The following PPP1R9B variants were observed in gnomAD, a reference collection of about 807,000 sequenced individuals.
PPP1R9B encodes the protein protein phosphatase 1 regulatory subunit 9B, also known as neurabin-2.
Under a neutral mutation model 75.8 loss-of-function variants are expected in PPP1R9B, and 17 were observed. The observed-to-expected ratio is 0.22, with a 90% CI of 0.15 to 0.34. The LOEUF (loss-of-function observed/expected upper bound fraction) is 0.34, where lower values mean the gene tolerates loss of function less well. PPP1R9B is among the 10% of genes least tolerant of loss of function. The pLI is 1.00. For synonymous variants in PPP1R9B, 509 were observed against 535.4 expected (o/e 0.95, Z 0.68); for missense variants, 875 against 1,196.0 (o/e 0.73, Z 3.96).
chr17:50,147,601 G>A (rs910322054), intron 1 of PPP1R9B, among the ~76,000 whole-genome samples: 5 of 152,074 alleles, frequency 3.3e-5, no homozygotes. Context: ...ACAGTCAGAG[G>A]CCCAGACCAA....
intron 3 of PPP1R9B, 102 bp downstream of exon 3, chr17:50,143,496 C>T: frequency 6.9e-7 from 1 of 1,442,214 alleles, no homozygotes; most frequent in Non-Finnish European, 9.5e-7. Context: ...CGGAAATCTC[C>T]CAGGGAAGGC....
In PPP1R9B at chr17:50,149,333, TCCA is replaced by T. The variant is rs765602304; in HGVS notation, c.1178_1180del (p.Val393del). The T allele has an allele frequency of 1.2e-6, 2 of 1,613,216 alleles. No homozygotes were observed. The highest frequency in any genetic ancestry group is 8.5e-7 in the Non-Finnish European group (1 of 1,179,746). ...CCCGAGCCCACTGTAGGCGCTCACGTCCACCAAGTCCGCCTCCGAGAAGTCCTC... is the reference window on the plus strand; with the variant it reads ...CCCGAGCCCACTGTAGGCGCTCACGTCCAAGTCCGCCTCCGAGAAGTCCTC... On this transcript the variant is annotated inframe_deletion, in exon 1 of 10. Coordinates refer to ENST00000612501, the MANE Select transcript of PPP1R9B (RefSeq NM_032595.5). This position sits in a 1 kb window ranked among gnomAD's most constrained non-coding sequence, Gnocchi z 7.2.
chr17:50,141,712 A>T (rs1245493948), intron 3 of PPP1R9B, among the ~76,000 whole-genome samples: 1 of 152,068 alleles, frequency 6.6e-6, no homozygotes, highest in Non-Finnish European at 1.5e-5. Context: ...AACAACAAAA[A>T]ACCTCACAGA....
rs376749158 is a variant in PPP1R9B, at chr17:50,139,477, C to G, written c.1971G>C (p.Leu657=). Reference sequence around the variant, plus strand: ...TCTCGGGCTCCATGTCCACAGGGGACAGTGCATCCTCGTTCTCCGCTAGCT... The same window carrying G: ...TCTCGGGCTCCATGTCCACAGGGGAGAGTGCATCCTCGTTCTCCGCTAGCT... ...VFELAENEDA[L]SPVDMEPEKL... The change falls in exon 6 of 10, where the codon CTG becomes CTC. Residue 657 remains leucine (L), a synonymous_variant. Coordinates refer to ENST00000612501, the MANE Select transcript of PPP1R9B (RefSeq NM_032595.5). This position sits in a 1 kb window ranked among gnomAD's most constrained non-coding sequence, Gnocchi z 5.0. The G allele has an allele frequency of 5.6e-6, 9 of 1,604,866 alleles. No individual in the cohort carries two copies. The African/African-American group carries it at 1.1e-4, about 19-fold the overall frequency.
At position 50,142,903 on chromosome 17, in the gene PPP1R9B, T is replaced by C. The variant is rs1912421735; in HGVS notation, c.1625+695A>G. Among the ~76,000 whole-genome samples the C allele has an allele frequency of 6.6e-6, 1 of 152,180 alleles. No homozygotes were observed. The highest frequency in any genetic ancestry group is 2.1e-4 in the South Asian group (1 of 4,832). ...ATCAATGGGTCTAGTCACAGCCTCC[T>C]GGCCCCTGCTCTCTATGCCCCAGCC... On this transcript the variant is annotated intron_variant, in intron 3 of 9. Coordinates refer to ENST00000612501, the MANE Select transcript of PPP1R9B (RefSeq NM_032595.5). This position sits in a 1 kb window ranked among gnomAD's most constrained non-coding sequence, Gnocchi z 4.1.
chr17:50,140,933 T>G (rs1283898889), intron 4 of PPP1R9B, among the ~76,000 whole-genome samples: 1 of 151,954 alleles, frequency 6.6e-6, no homozygotes, highest in African/African-American at 2.4e-5. Flanking sequence ...GACCCCAATA[T>G]GGTTAGCATT....
chr17:50,140,018 A>G, intron 5 of PPP1R9B, 75 bp downstream of exon 5: 2 of 1,517,040 alleles, frequency 1.3e-6, no homozygotes, highest in Non-Finnish European at 1.8e-6. Flanking sequence ...GGGAAGCAGT[A>G]GAGGCAGATG....
chr17:50,145,337 C>A (rs758056988), intron 1 of PPP1R9B, 92 bp from the exon 2 acceptor site: 5 of 1,466,738 alleles, frequency 3.4e-6, no homozygotes, highest in Non-Finnish European at 4.7e-6. Flanking sequence ...GAGTTACCCA[C>A]CCCATGCCTC....
At chr17:50,148,742 G>A (rs1912587442) in intron 1 of PPP1R9B, among the ~76,000 whole-genome samples, 1 of 152,204 alleles carries the variant, frequency 6.6e-6, no homozygotes, top group African/African-American at 2.4e-5. Flanking sequence ...CCCAGTGAAG[G>A]GCAAATGTCT....
intron 1 of PPP1R9B, among the ~76,000 whole-genome samples, chr17:50,148,433 G>A (rs927577105): frequency 1.3e-5 from 2 of 152,192 alleles, no homozygotes; most frequent in African/African-American, 4.8e-5. Context: ...GCCTGCAGAA[G>A]GCCTCTCCCC....
intron 3 of PPP1R9B, 34 bp from the exon 4 acceptor site, chr17:50,141,407 G>C: frequency 6.8e-7 from 1 of 1,462,524 alleles, no homozygotes; most frequent in Non-Finnish European, 9.3e-7. Context: ...GGGTCACAGG[G>C]GAACCGAGGA....
chr17:50,150,065 A>G lies in PPP1R9B; in HGVS notation c.449T>C (p.Leu150Pro). 6.9e-7 allele frequency: 1 copy of G among 1,439,838 alleles called. No homozygotes were observed. The allele number at this position is 1,439,838 out of a possible 1,614,324, so 89.2% of individuals were successfully genotyped here. Residue 150 changes from leucine (L) to proline (P), a missense_variant, in exon 1 of 10, where the codon CTG (leucine) becomes CCG (proline). Physicochemically the swap from Leu to Pro is moderately conservative, Grantham distance 98 (BLOSUM62 -3). Transcript: ENST00000612501. The surrounding 1 kb of genome is among the most constrained non-coding windows in gnomAD (Gnocchi z 8.7). ...PPSRLQETRK[L>P]FERSAPAAAG... ...GGCCGCTGGGGCGCTCCGTTCGAACAGCTTCCGCGTCTCCTGCAGCCGGGA... is the reference window on the plus strand; with the variant it reads ...GGCCGCTGGGGCGCTCCGTTCGAACGGCTTCCGCGTCTCCTGCAGCCGGGA...
chr17:50,147,749 A>G (rs1912551615), intron 1 of PPP1R9B, among the ~76,000 whole-genome samples: 1 of 151,904 alleles, frequency 6.6e-6, no homozygotes, highest in African/African-American at 2.4e-5. Flanking sequence ...AGGAGGGGAA[A>G]GGGGTTGGGA....
Position 50,134,859 on chromosome 17 carries a change from G to C in PPP1R9B, c.*472C>G, listed in dbSNP as rs542054062. 5.7e-6 allele frequency: 1 copy of C among 174,062 alleles called. No individual in the cohort carries two copies. The highest frequency in any genetic ancestry group is 2.4e-5 in the African/African-American group (1 of 41,990). The allele number at this position is 174,062 out of a possible 1,614,324, so 10.8% of individuals were successfully genotyped here. A position where few individuals can be genotyped will look rare whatever the true frequency, so the allele number is the denominator to read the frequency against. On this transcript the variant is annotated 3_prime_UTR_variant, in exon 10 of 10. Transcript: ENST00000612501. The stretch of plus-strand genomic sequence containing the variant: ...TGCAACAGAGACGGCACAATGATGG[G>C]GGGAGAGGGAAGGGCCGAGAAGGTA...
intron 7 of PPP1R9B, among the ~76,000 whole-genome samples, chr17:50,138,652 T>G (rs1275232657): frequency 2.0e-5 from 3 of 152,196 alleles, no homozygotes. Context: ...ATGGTCTCAT[T>G]CTGTTACTCA....
rs1173239014 is a variant in PPP1R9B at position 50,135,926 on chromosome 17, A to G, written c.2303+42T>C. On this transcript the variant is annotated intron_variant, in intron 8 of 9. Coordinates refer to ENST00000612501, the MANE Select transcript of PPP1R9B (RefSeq NM_032595.5). ...GAGGGACTGTCCCCAAAAGCCTCTC[A>G]ATGCTCCCTGGGCCCAGCCCGCCCA... The G allele has an allele frequency of 2.1e-6, 3 of 1,436,150 alleles. No individual in the cohort carries two copies. The East Asian group carries it at 7.5e-5, about 36-fold the overall frequency. 89.0% of individuals were successfully genotyped at this position (1,436,150 alleles called of 1,614,324 possible).
At chr17:50,144,986 G>T in intron 2 of PPP1R9B, 127 bp downstream of exon 2, 1 of 1,198,342 alleles carries the variant, frequency 8.3e-7, no homozygotes, top group Non-Finnish European at 1.2e-6. Context: ...CCAAGGGCCT[G>T]AGTCAGAGGG....
rs766001724 is a variant in PPP1R9B, at chr17:50,149,243, G to T, written c.1271C>A (p.Pro424His). Residue 424 changes from proline to histidine, a missense_variant, in exon 1 of 10, where the codon CCC becomes CAC. Coordinates refer to ENST00000612501, the MANE Select transcript of PPP1R9B (RefSeq NM_032595.5). This position sits in a 1 kb window ranked among gnomAD's most constrained non-coding sequence, Gnocchi z 7.2. Reference protein sequence around the residue: ...DEDDEEDGEPPYEPESGCVEI... With the variant: ...DEDDEEDGEPHYEPESGCVEI... ...CACGCACCCCGACTCGGGCTCGTAG[G>T]GGGGCTCCCCATCCTCCTCGTCGTC... 1.2e-5 allele frequency: 19 copies of T among 1,610,934 alleles called. No homozygotes were observed. The highest frequency in any genetic ancestry group is 3.3e-4 in the Middle Eastern group (2 of 6,040).
In PPP1R9B at chr17:50,143,392, T is replaced by C. The variant is rs533661642; in HGVS notation, c.1625+206A>G. On this transcript the variant is annotated intron_variant, in intron 3 of 9. Coordinates refer to ENST00000612501, the MANE Select transcript of PPP1R9B (RefSeq NM_032595.5). ...GGAGAACACACGCTCCTTCAGGGCA[T>C]AGGGGCTGACAGTGCTCACTGTTGT... 3.8e-3 allele frequency among the ~76,000 whole-genome samples: 584 copies of C among 152,304 alleles called. 6 individuals are homozygous for C. The highest frequency in any genetic ancestry group is 0.013 in the African/African-American group (557 of 41,562).
Sources: gnomAD v4.1 joint callset for allele counts (sites outside exome capture counted in the v4.1 genomes callset) on GRCh38, gnomAD v4.1.1 for gene constraint, Gnocchi (gnomAD v3.1) non-coding constraint, MANE v1.5 for transcripts, NCBI Gene and HGNC (gene_info 2026-07-23, HGNC 2026-07-21) for gene names.